RNPS1: variants seen among roughly 807,000 people sequenced by gnomAD.
The protein encoded by RNPS1 is RNA-binding protein with serine-rich domain 1.
For synonymous variants in RNPS1, 147 were observed against 150.0 expected, an observed-to-expected ratio of 0.98 and a Z score of 0.15; for missense variants, 300 against 427.6, an observed-to-expected ratio of 0.70 and a Z score of 2.63.
In RNPS1 at chr16:2,262,445, A is replaced by G. The variant is rs766988328; in HGVS notation, c.523-14T>C. ...CATGATGTGATCCTAGAGGGAAAGAAGGGTCACGCCAACGCCCAGCTACCA... is the reference window on the plus strand; with the variant it reads ...CATGATGTGATCCTAGAGGGAAAGAGGGGTCACGCCAACGCCCAGCTACCA... On this transcript the variant is annotated splice_polypyrimidine_tract_variant and intron_variant, in intron 5 of 7. Transcript: ENST00000320225. The G allele has an allele frequency of 3.7e-6, 6 of 1,613,954 alleles. No individual in the cohort carries two copies. The highest frequency in any genetic ancestry group is 4.2e-6 in the Non-Finnish European group (5 of 1,179,954).
At position 2,253,423 on chromosome 16, in the gene RNPS1, G is replaced by A. The variant is rs992740127; in HGVS notation, c.*541C>T. On this transcript the variant is annotated 3_prime_UTR_variant, in exon 8 of 8. Coordinates refer to ENST00000320225, the MANE Select transcript of RNPS1 (RefSeq NM_080594.4). ...GGTGGGGTGCGGTGTGTGCATCGGT[G>A]CACGGACAGACAGAACCACGAGCAG... is the stretch of plus-strand genomic sequence containing the variant. The A allele has an allele frequency of 1.5e-5, 3 of 199,998 alleles. No homozygotes were observed. Among genetic ancestry groups the A allele is most frequent in the Admixed American group, 1.2e-4 (2 of 17,200 alleles). The allele number at this position is 199,998 out of a possible 1,614,324, so 12.4% of individuals were successfully genotyped here.
chr16:2,267,129 G>C, intron 1 of RNPS1: 1 of 931,872 alleles, frequency 1.1e-6, no homozygotes. Flanking sequence ...CGCCTTGCTG[G>C]GTGCGGTCGA....
intron 6 of RNPS1, among the ~76,000 whole-genome samples, chr16:2,259,909 G>A (rs767678113): frequency 6.6e-6 from 1 of 152,054 alleles, no homozygotes; most frequent in Non-Finnish European, 1.5e-5. Flanking sequence ...AAGGTAAAGC[G>A]TTCATTAATA....
chr16:2,254,100 G>T, intron 7 of RNPS1, 37 bp from the exon 8 acceptor site: 1 of 1,369,832 alleles, frequency 7.3e-7, no homozygotes, highest in Non-Finnish European at 9.7e-7. Flanking sequence ...GAGTAGCTCA[G>T]GCTGTAGGGG....
chr16:2,264,143 G>A (rs1373192401), intron 3 of RNPS1, 33 bp downstream of exon 3: 1 of 1,610,930 alleles, frequency 6.2e-7, no homozygotes, highest in Admixed American at 1.7e-5. Context: ...TGTGGCACAG[G>A]TCCTCTCCAG....
intron 7 of RNPS1, 152 bp downstream of exon 7, chr16:2,255,433 C>A: frequency 1.2e-6 from 1 of 863,192 alleles, no homozygotes; most frequent in Non-Finnish European, 1.8e-6. Flanking sequence ...CTGTGGCCCT[C>A]CTGCTCTCTC....
At chr16:2,255,988 G>C (rs1567321277) in intron 6 of RNPS1, 1 of 425,324 alleles carries the variant, frequency 2.4e-6, no homozygotes, top group African/African-American at 2.1e-5. Context: ...AGCTGTGCGA[G>C]GTGGCGGGCG....
chr16:2,258,384 A>G (rs2093587994), intron 6 of RNPS1: 1 of 152,262 alleles, frequency 6.6e-6, no homozygotes, highest in Non-Finnish European at 1.5e-5. Context: ...AGCTACAAAA[A>G]AAAGGTGTTC....
At chr16:2,255,164 C>A (rs879885780) in intron 7 of RNPS1, among the ~76,000 whole-genome samples, 1 of 152,212 alleles carries the variant, frequency 6.6e-6, no homozygotes, top group Non-Finnish European at 1.5e-5. Context: ...TCCCCAAAGG[C>A]TGAAAGCACA....
At chr16:2,259,627 C>T (rs1441336916) in intron 6 of RNPS1, among the ~76,000 whole-genome samples, 2 of 152,170 alleles carry the variant, frequency 1.3e-5, no homozygotes, top group East Asian at 1.9e-4. Flanking sequence ...CAGTGGCTCA[C>T]GCCTGTAATC....
At chr16:2,267,785 GT>G (rs1487936423) in intron 1 of RNPS1, 1 of 1,394,766 alleles carries the variant, frequency 7.2e-7, no homozygotes, top group Non-Finnish European at 9.3e-7. Flanking sequence ...GCTGGTCTGA[GT>G]CCCGCGGGCC....
intron 3 of RNPS1, 134 bp from the exon 4 acceptor site, chr16:2,263,421 T>C: frequency 2.5e-6 from 2 of 808,000 alleles, no homozygotes; most frequent in Admixed American, 2.3e-5. Flanking sequence ...CTTTCAGCAG[T>C]GGGGAAAACA....
At chr16:2,264,443 C>T in intron 2 of RNPS1, 112 bp from the exon 3 acceptor site, 1 of 1,553,776 alleles carries the variant, frequency 6.4e-7, no homozygotes, top group Non-Finnish European at 8.8e-7. Flanking sequence ...GAGGTGACCA[C>T]AGAGCAAAGT....
chr16:2,263,851 T>TA (rs2093613442), intron 3 of RNPS1: 1 of 307,682 alleles, frequency 3.3e-6, no homozygotes, highest in South Asian at 3.4e-5. Flanking sequence ...TAGCTGGGAC[T>TA]ACAGATGCAT....
intron 6 of RNPS1, 169 bp downstream of exon 6, chr16:2,262,106 TAGC>T (rs2093605350): frequency 1.5e-5 from 8 of 527,794 alleles, no homozygotes; most frequent in Non-Finnish European, 2.3e-5. Context: ...CCATGAGAAA[TAGC>T]AGCCCAAACC....
At chr16:2,255,942 A>G (rs1167944089) in intron 6 of RNPS1, 2 of 545,758 alleles carry the variant, frequency 3.7e-6, no homozygotes, top group Middle Eastern at 4.7e-4. Context: ...CCTGGCTAAC[A>G]TGGTGAAAAT....
chr16:2,258,387 A>C (rs2093588009), intron 6 of RNPS1: 1 of 152,268 alleles, frequency 6.6e-6, no homozygotes, highest in South Asian at 2.1e-4. Context: ...TACAAAAAAA[A>C]GGTGTTCCTA....
chr16:2,255,104 G>A (rs924144870), intron 7 of RNPS1, among the ~76,000 whole-genome samples: 1 of 152,174 alleles, frequency 6.6e-6, no homozygotes, highest in Non-Finnish European at 1.5e-5. Context: ...TGAGCTCTTG[G>A]GAACGGGTGC....
intron 3 of RNPS1, among the ~76,000 whole-genome samples, chr16:2,263,586 G>C (rs899152517): frequency 6.6e-6 from 1 of 152,200 alleles, no homozygotes; most frequent in Non-Finnish European, 1.5e-5. Flanking sequence ...CTCAGGCTGG[G>C]AAGGCAGCTG....
Sources: gnomAD v4.1 joint callset for allele counts (sites outside exome capture counted in the v4.1 genomes callset) on GRCh38, gnomAD v4.1.1 for gene constraint, MANE v1.5 for transcripts, NCBI Gene and HGNC (gene_info 2026-07-23, HGNC 2026-07-21) for gene names.